CCDC157: variants seen among roughly 807,000 people sequenced by gnomAD.
CCDC157 encodes coiled-coil domain containing 157, also known as coiled-coil domain-containing protein 157.
Under a neutral mutation model 70.9 loss-of-function variants are expected in CCDC157, and 60 were observed. The observed-to-expected ratio is 0.85, with a 90% CI of 0.69 to 1.05. The LOEUF (loss-of-function observed/expected upper bound fraction) is 1.05. CCDC157 is among the 50% of genes least tolerant of loss of function. CCDC157 has a pLI of 0.00. For synonymous variants in CCDC157, 373 were observed against 422.4 expected (o/e 0.88, Z 1.43); for missense variants, 943 against 984.2 (o/e 0.96, Z 0.56).
Position 30,376,982 on chromosome 22 carries a change from C to A in CCDC157, c.*237C>A. On this transcript the variant is annotated 3_prime_UTR_variant, in exon 12 of 12. Transcript: ENST00000338306. ...AAAAGGGGCCTTCCTGCTTCCCTCC[C>A]GACAGAGGCTGTGGGATAGGAGAGT... 1 of 584,550 alleles carries A rather than the reference C, an allele frequency of 1.7e-6. No homozygotes were observed. The highest frequency in any genetic ancestry group is 3.0e-6 in the Non-Finnish European group (1 of 327,882). The allele number at this position is 584,550 out of a possible 1,614,324, so 36.2% of individuals were successfully genotyped here.
intron 9 of CCDC157, chr22:30,374,420 C>A (rs1290243897): frequency 3.9e-6 from 2 of 517,264 alleles, no homozygotes; most frequent in Non-Finnish European, 7.5e-6. Flanking sequence ...TTCTGTGTGT[C>A]CCCCTTCTTG....
chr22:30,378,115 A>G lies in CCDC157; in HGVS notation c.*1370A>G, dbSNP rs1933449261. 1 of 470,912 alleles carries G rather than the reference A, an allele frequency of 2.1e-6. No individual in the cohort carries two copies. The highest frequency in any genetic ancestry group is 4.4e-6 in the Non-Finnish European group (1 of 227,022). The allele number at this position is 470,912 out of a possible 1,614,324, so 29.2% of individuals were successfully genotyped here. A position where few individuals can be genotyped will look rare whatever the true frequency, so the allele number is the denominator to read the frequency against. ...CTCTCACGGCTCCTAGAGGCCGTCC[A>G]CCTTCCTTGCCATGGGGCTCCCTCC... On this transcript the variant is annotated 3_prime_UTR_variant, in exon 12 of 12. Coordinates refer to ENST00000338306, the MANE Select transcript of CCDC157 (RefSeq NM_001017437.5).
intron 2 of CCDC157, among the ~76,000 whole-genome samples, chr22:30,365,466 T>C (rs1306542519): frequency 6.6e-6 from 1 of 152,078 alleles, no homozygotes; most frequent in African/African-American, 2.4e-5. Flanking sequence ...CAGCATGACA[T>C]GGTCCAATAG....
Position 30,376,718 on chromosome 22 carries a change from A to T in CCDC157, c.2232A>T (p.Ala744=), listed in dbSNP as rs1345696092. Residue 744 remains alanine (A), a synonymous_variant, in exon 12 of 12, where the codon GCA becomes GCT. Transcript: ENST00000338306. ...LSPGRGQASS[A]HQPQERPM ...CTGGCCGGGGACAGGCCAGCTCTGC[A>T]CACCAGCCCCAGGAGCGGCCCATGT... The T allele has an allele frequency of 3.1e-6, 5 of 1,612,934 alleles. No homozygotes were observed. Among genetic ancestry groups the T allele is most frequent in the Non-Finnish European group, 4.2e-6 (5 of 1,179,846 alleles).
At chr22:30,360,729 T>C (rs1932276835) in intron 1 of CCDC157, among the ~76,000 whole-genome samples, 1 of 151,938 alleles carries the variant, frequency 6.6e-6, no homozygotes, top group South Asian at 2.1e-4. Context: ...CTGACCAATA[T>C]GGTGAAACCC....
intron 6 of CCDC157, 70 bp downstream of exon 6, chr22:30,371,797 A>G (rs1932960584): frequency 8.9e-6 from 12 of 1,345,330 alleles, no homozygotes. Flanking sequence ...AGCATCGTCC[A>G]TCTCTGTCCC....
At chr22:30,374,531 T>G (rs1434563917) in intron 9 of CCDC157, 6 of 459,970 alleles carry the variant, frequency 1.3e-5, no homozygotes, top group Non-Finnish European at 2.2e-5. Flanking sequence ...GAGTGCTAGG[T>G]ACCCATCTTG....
rs1406693165 is a variant in CCDC157 at position 30,374,263 on chromosome 22, A to G, written c.1672+172A>G. 4 of 725,268 alleles carry G rather than the reference A, an allele frequency of 5.5e-6. No individual in the cohort carries two copies. The Admixed American group carries it at 7.2e-5, about 13-fold the overall frequency. The allele number at this position is 725,268 out of a possible 1,614,324, so 44.9% of individuals were successfully genotyped here. The stretch of plus-strand genomic sequence containing the variant: ...ACCCACCACAGCACGCAAGTGCTTC[A>G]TGCGTCATCCACTCTGCATAGACAG... On this transcript the variant is annotated intron_variant, in intron 9 of 11. Coordinates refer to ENST00000338306, the MANE Select transcript of CCDC157 (RefSeq NM_001017437.5).
rs768202447 is a variant in CCDC157 at position 30,371,724 on chromosome 22, G to C, written c.1120G>C (p.Val374Leu). Residue 374 changes from valine (V) to leucine (L), a missense_variant, in exon 6 of 12, where the codon GTG (valine) becomes CTG (leucine). Val to Leu is a conservative substitution (Grantham distance 32). Coordinates refer to ENST00000338306, the MANE Select transcript of CCDC157 (RefSeq NM_001017437.5). ...ACAGCAGCGGGAGTCCACACAGGCT[G>C]TGGGTAAGGAGCCCCATCATAGGCC... ...LKQQRESTQA[V>L]EAKAQQLQEE... 1 of 1,613,742 alleles carries C rather than the reference G, an allele frequency of 6.2e-7. No homozygotes were observed. The highest frequency in any genetic ancestry group is 1.1e-5 in the South Asian group (1 of 91,078).
chr22:30,367,430 G>T (rs988311861), intron 3 of CCDC157, among the ~76,000 whole-genome samples: 2 of 152,080 alleles, frequency 1.3e-5, no homozygotes, highest in African/African-American at 4.8e-5. Flanking sequence ...TGGAGACGGG[G>T]TTTCACCATG....
rs1208321519 is a variant in CCDC157 at position 30,373,584 on chromosome 22, C to T, written c.1336-13C>T. 1.9e-6 allele frequency: 3 copies of T among 1,552,206 alleles called. No individual in the cohort carries two copies. Among genetic ancestry groups the T allele is most frequent in the African/African-American group, 1.4e-5 (1 of 73,144 alleles). ...GGGTCTCACAGCCTCCCTGCTTGTC[C>T]GTTCCTGCTTAGTCTCTGCAGGCCA... On this transcript the variant is annotated splice_polypyrimidine_tract_variant and intron_variant, in intron 7 of 11. Transcript: ENST00000338306.
Position 30,372,685 on chromosome 22 carries a change from CAG to C in CCDC157, c.1335+400_1335+401del, listed in dbSNP as rs375189566. 38 of 178,654 alleles carry C rather than the reference CAG, an allele frequency of 2.1e-4. 1 individual carries two copies. In the South Asian group the frequency reaches 4.3e-3, roughly 20 times the overall value. The allele number at this position is 178,654 out of a possible 1,614,324, so 11.1% of individuals were successfully genotyped here. On this transcript the variant is annotated intron_variant, in intron 7 of 11. Coordinates refer to ENST00000338306, the MANE Select transcript of CCDC157 (RefSeq NM_001017437.5). ...ATTAGTCCATCAGCCAGGGGAAGGA[CAG>C]GGCAGGCAGAGGGTGAGCCAGGGCC...
chr22:30,376,498 C>G lies in CCDC157; in HGVS notation c.2012C>G (p.Thr671Arg), dbSNP rs758681736. 2.5e-6 allele frequency: 4 copies of G among 1,607,442 alleles called. No individual in the cohort carries two copies. The African/African-American group carries it at 5.5e-5, about 22-fold the overall frequency. Reference protein sequence around the residue: ...TGRTLLGQPCTSPPRQPCTSP... With the variant: ...TGRTLLGQPCRSPPRQPCTSP... ...AGGACCCTGCTGGGCCAGCCCTGCACATCCCCACCTCGGCAGCCCTGCACA... is the reference window on the plus strand; with the variant it reads ...AGGACCCTGCTGGGCCAGCCCTGCAGATCCCCACCTCGGCAGCCCTGCACA... Residue 671 changes from threonine (T) to arginine (R), a missense_variant, in exon 12 of 12, where the codon ACA (threonine) becomes AGA (arginine). Coordinates refer to ENST00000338306, the MANE Select transcript of CCDC157 (RefSeq NM_001017437.5).
rs762816271 is a variant in CCDC157, at chr22:30,369,483, A to T, written c.300A>T (p.Ser100=). The change falls in exon 4 of 12, where the codon TCA becomes TCT. Residue 100 remains serine (S), a synonymous_variant. Coordinates refer to ENST00000338306, the MANE Select transcript of CCDC157 (RefSeq NM_001017437.5). ...TGAGCTACTTGGAGAACCTTGGCTC[A>T]GAGCAGATGATGCCCCCTGCACAGG... ...SCMSYLENLG[S]EQMMPPAQAA... The T allele has an allele frequency of 1.0e-5, 16 of 1,588,128 alleles. No individual in the cohort carries two copies. In the African/African-American group the frequency reaches 2.0e-4, roughly 20 times the overall value.
chr22:30,373,603 C>T lies in CCDC157; in HGVS notation c.1342C>T (p.Gln448Ter). The change falls in exon 8 of 12, where the codon CAG becomes TAG. Residue 448 changes from glutamine (Q) to a stop codon, truncating the protein, a stop_gained. Transcript: ENST00000338306. LOFTEE classifies it high-confidence loss of function. ...CTTGTCCGTTCCTGCTTAGTCTCTG[C>T]AGGCCAAGCAGCGAGCCCTGCTAAA... ...DSMVRHQESL[Q>*]AKQRALLKQL... is the part of the protein sequence containing the mutation. 1 of 1,553,970 alleles carries T rather than the reference C, an allele frequency of 6.4e-7. No homozygotes were observed. The highest frequency in any genetic ancestry group is 8.7e-7 in the Non-Finnish European group (1 of 1,148,424).
chr22:30,373,596 GTC>G lies in CCDC157; in HGVS notation c.1339_1340del (p.Leu447AlafsTer19), dbSNP rs772520991. Reference protein sequence around the residue: ...RVDSMVRHQESLQAKQRALLK... With the variant: ...RVDSMVRHQEXLQAKQRALLK... ...CTCCCTGCTTGTCCGTTCCTGCTTAGTCTCTGCAGGCCAAGCAGCGAGCCCTG... is the reference window on the plus strand; with the variant it reads ...CTCCCTGCTTGTCCGTTCCTGCTTAGTCTGCAGGCCAAGCAGCGAGCCCTG... On this transcript the variant is annotated frameshift_variant and splice_region_variant, in exon 8 of 12. Transcript: ENST00000338306. LOFTEE classifies it high-confidence loss of function. The G allele has an allele frequency of 7.7e-6, 12 of 1,553,674 alleles. No homozygotes were observed. The Middle Eastern group carries it at 8.7e-4, about 113-fold the overall frequency.
Position 30,377,154 on chromosome 22 carries a change from C to A in CCDC157, c.*409C>A. 4.6e-6 allele frequency: 1 copy of A among 216,918 alleles called. No homozygotes were observed. The allele number at this position is 216,918 out of a possible 1,614,324, so 13.4% of individuals were successfully genotyped here. ...CAGGTGGGAGTGGACAGAGGAAGGG[C>A]CGGTGAGGATGTCTGAAGCAGGCAG... On this transcript the variant is annotated 3_prime_UTR_variant, in exon 12 of 12. Transcript: ENST00000338306.
chr22:30,363,383 T>A (rs765147328), intron 2 of CCDC157, among the ~76,000 whole-genome samples: 4 of 152,098 alleles, frequency 2.6e-5, no homozygotes, highest in Non-Finnish European at 1.5e-5. Flanking sequence ...AATAATATTA[T>A]TAATAATAAT....
chr22:30,362,792 T>C (rs1601717963), intron 2 of CCDC157, among the ~76,000 whole-genome samples: 1 of 151,040 alleles, frequency 6.6e-6, no homozygotes, highest in Non-Finnish European at 1.5e-5. Flanking sequence ...GACATGGGGG[T>C]AGAGGAAAGA....
Sources: gnomAD v4.1 joint callset for allele counts (sites outside exome capture counted in the v4.1 genomes callset) on GRCh38, gnomAD v4.1.1 for gene constraint, MANE v1.5 for transcripts, NCBI Gene and HGNC (gene_info 2026-07-23, HGNC 2026-07-21) for gene names.